The following ABCC5 variants were observed in gnomAD, a reference collection of about 807,000 sequenced individuals.
The protein encoded by ABCC5 is ATP binding cassette subfamily C member 5.
ABCC5 carries 61 observed loss-of-function variants against 160.9 expected under a neutral mutation model. The ratio of observed to expected loss-of-function variants is 0.38; its 90% CI spans 0.31 to 0.47. ABCC5 has a LOEUF of 0.47. Among genes scored for constraint, ABCC5 ranks in the 20% least tolerant of loss-of-function variants. ABCC5 has a pLI of 0.99. For missense variants in ABCC5, 1,308 were observed against 1,813.3 expected (o/e 0.72, Z 5.06); for synonymous variants, 666 against 700.6 (o/e 0.95, Z 0.78).
At position 183,989,342 on chromosome 3, in the gene ABCC5, C is replaced by A; in HGVS notation, c.171G>T (p.Glu57Asp). 6.2e-7 allele frequency: 1 copy of A among 1,614,008 alleles called. No individual in the cohort carries two copies. The highest frequency in any genetic ancestry group is 2.2e-5 in the East Asian group (1 of 44,858). The change falls in exon 3 of 30, where the codon GAG (glutamate) becomes GAT (aspartate). Residue 57 changes from glutamate to aspartate, a missense_variant. Physicochemically the swap from Glu to Asp is conservative, Grantham distance 45. Coordinates refer to ENST00000334444, the MANE Select transcript of ABCC5 (RefSeq NM_005688.4). ...GCATGGAGGCATCAAGAGAGAGGCCCTCGGCTCGGGCTGCTGTTTCCAAGG... is the reference window on the plus strand; with the variant it reads ...GCATGGAGGCATCAAGAGAGAGGCCATCGGCTCGGGCTGCTGTTTCCAAGG... The part of the protein sequence containing the change: ...QDALETAARA[E>D]GLSLDASMHS...
At chr3:183,925,047 T>C (rs1008921920) in intron 29 of ABCC5, among the ~76,000 whole-genome samples, 2 of 152,212 alleles carry the variant, frequency 1.3e-5, no homozygotes, top group African/African-American at 4.8e-5. Flanking sequence ...AGGGCCAGGC[T>C]GTGGGAACGC....
chr3:183,958,818 C>G (rs1156798987), intron 17 of ABCC5, among the ~76,000 whole-genome samples: 2 of 151,938 alleles, frequency 1.3e-5, no homozygotes, highest in Non-Finnish European at 2.9e-5. Flanking sequence ...CAGGCTGGTC[C>G]TGAACTCCTG....
intron 10 of ABCC5, among the ~76,000 whole-genome samples, chr3:183,975,650 CTTG>C (rs1481048978): frequency 1.3e-5 from 2 of 151,852 alleles, no homozygotes; most frequent in East Asian, 3.9e-4. Flanking sequence ...GCCATAAATA[CTTG>C]TTATCTTGTG....
At chr3:183,925,459 G>C in intron 29 of ABCC5, 96 bp downstream of exon 29, 1 of 1,350,058 alleles carries the variant, frequency 7.4e-7, no homozygotes, top group Non-Finnish European at 1.0e-6. Flanking sequence ...TTATCTGAAT[G>C]CCCAGAACCC....
chr3:184,014,252 A>G lies in ABCC5; in HGVS notation c.129+12T>C. 6.2e-7 allele frequency: 1 copy of G among 1,610,488 alleles called. No individual in the cohort carries two copies. Among genetic ancestry groups the G allele is most frequent in the Non-Finnish European group, 8.5e-7 (1 of 1,178,528 alleles). On this transcript the variant is annotated intron_variant, in intron 2 of 29. Transcript: ENST00000334444. ...ACAAGCAGGTAAGAGACTCTTAGGA[A>G]AGGAAACTGACCGGTCGAGTTCTCC...
At chr3:183,931,797 G>T (rs1713207094) in intron 26 of ABCC5, among the ~76,000 whole-genome samples, 1 of 152,204 alleles carries the variant, frequency 6.6e-6, no homozygotes, top group Non-Finnish European at 1.5e-5. Flanking sequence ...ATCAGGAATG[G>T]AAAAATATCT....
chr3:183,984,621 G>C (rs568598841), intron 5 of ABCC5: 1 of 1,410,414 alleles, frequency 7.1e-7, no homozygotes, highest in African/African-American at 1.4e-5. Context: ...TCAAATAGGA[G>C]ACTTCAGATT....
Position 183,977,709 on chromosome 3 carries a change from C to T in ABCC5, c.1297-85G>A. The T allele has an allele frequency of 3.3e-6, 3 of 899,684 alleles. No homozygotes were observed. In the South Asian group the frequency reaches 4.9e-5, roughly 15 times the overall value. 55.7% of individuals were successfully genotyped at this position (899,684 alleles called of 1,614,324 possible). A position where few individuals can be genotyped will look rare whatever the true frequency, so the allele number is the denominator to read the frequency against. On this transcript the variant is annotated intron_variant, in intron 9 of 29. Coordinates refer to ENST00000334444, the MANE Select transcript of ABCC5 (RefSeq NM_005688.4). ...GACACCATGAATTTCCTCTCAGGCG[C>T]TAGGAAGGCTGCAACTTCACGGTCA...
intron 12 of ABCC5, 78 bp downstream of exon 12, chr3:183,967,617 C>A: frequency 7.8e-7 from 1 of 1,287,818 alleles, no homozygotes; most frequent in Non-Finnish European, 1.1e-6. Context: ...CCTGACTCTC[C>A]AGGAAATTTG....
At chr3:183,998,514 G>A (rs898813254) in intron 2 of ABCC5, among the ~76,000 whole-genome samples, 5 of 152,122 alleles carry the variant, frequency 3.3e-5, no homozygotes, top group African/African-American at 1.2e-4. Context: ...ATGGTTTACA[G>A]ATACTAACTA....
intron 29 of ABCC5, among the ~76,000 whole-genome samples, chr3:183,922,419 A>T (rs1712096180): frequency 6.6e-6 from 1 of 152,212 alleles, no homozygotes; most frequent in Admixed American, 6.5e-5. Flanking sequence ...AATAAACTGC[A>T]GGGGAGAGAA....
intron 2 of ABCC5, among the ~76,000 whole-genome samples, chr3:183,999,372 T>A (rs1018305241): frequency 2.0e-5 from 3 of 152,076 alleles, no homozygotes; most frequent in Non-Finnish European, 4.4e-5. Flanking sequence ...AAAATGGCAA[T>A]GAACCAAGAG....
In ABCC5 at chr3:183,945,871, C is replaced by G. The variant is rs1714793587; in HGVS notation, c.3483G>C (p.Glu1161Asp). The change falls in exon 24 of 30, where the codon GAG becomes GAC. Residue 1161 changes from glutamate (E) to aspartate (D), a missense_variant. Physicochemically the swap from Glu to Asp is conservative, Grantham distance 45. This residue lies in a region of ABCC5 where 1,142 missense variants were observed against 1,527.1 expected (regional missense o/e 0.75). Coordinates refer to ENST00000334444, the MANE Select transcript of ABCC5 (RefSeq NM_005688.4). ...SETEARFTSV[E>D]RINHYIKTLS... The stretch of plus-strand genomic sequence containing the variant: ...TGACCTTAATGTAGTGATTGATCCT[C>G]TCCACCGAGGTGAATCGAGCTTCTG... The G allele has an allele frequency of 2.5e-6, 4 of 1,614,040 alleles. No homozygotes were observed. The Admixed American group carries it at 6.7e-5, about 27-fold the overall frequency.
chr3:183,927,420 A>C lies in ABCC5; in HGVS notation c.3957T>G (p.Leu1319=), dbSNP rs947728725. ...KECIAQLPLK[L]ESEVMENGDN... ...CCCCATTCTCCATCACTTCAGATTC[A>C]AGTTTCAGAGGTAGCTGAGCAATCT... The change falls in exon 28 of 30, where the codon CTT becomes CTG. Residue 1319 remains leucine, a synonymous_variant. Transcript: ENST00000334444. The C allele has an allele frequency of 6.2e-7, 1 of 1,613,422 alleles. No individual in the cohort carries two copies. Among genetic ancestry groups the C allele is most frequent in the Middle Eastern group, 1.6e-4 (1 of 6,062 alleles).
chr3:183,970,937 T>C (rs536606291), intron 11 of ABCC5, among the ~76,000 whole-genome samples: 9 of 152,194 alleles, frequency 5.9e-5, no homozygotes, highest in Non-Finnish European at 1.2e-4. Flanking sequence ...GTTGAATGAA[T>C]GAATATATAC....
At chr3:184,013,912 G>C (rs927421684) in intron 2 of ABCC5, among the ~76,000 whole-genome samples, 1 of 152,016 alleles carries the variant, frequency 6.6e-6, no homozygotes, top group Non-Finnish European at 1.5e-5. Context: ...TCGCTCTATC[G>C]CCCAGGCTGG....
intron 2 of ABCC5, among the ~76,000 whole-genome samples, chr3:184,012,018 C>A (rs756224683): frequency 1.4e-4 from 13 of 95,106 alleles, no homozygotes; most frequent in Non-Finnish European, 2.1e-4. Flanking sequence ...GAACACAACA[C>A]ACACACACAC....
At chr3:183,933,231 A>C (rs2108768168) in intron 26 of ABCC5, among the ~76,000 whole-genome samples, 1 of 150,564 alleles carries the variant, frequency 6.6e-6, no homozygotes, top group East Asian at 1.9e-4. Context: ...GAAGAAGAAG[A>C]AATGAGAACA....
rs1015132988 is a variant in ABCC5 at position 183,943,553 on chromosome 3, A to G, written c.3505-637T>C. Reference sequence around the variant, plus strand: ...AATGCTGTGATATAACTGCTTGGGTAATTTTTATCATCAACAATCATATCT... The same window carrying G: ...AATGCTGTGATATAACTGCTTGGGTGATTTTTATCATCAACAATCATATCT... On this transcript the variant is annotated intron_variant, in intron 24 of 29. Transcript: ENST00000334444. Among the ~76,000 whole-genome samples, 3 of 152,194 alleles carry G rather than the reference A, an allele frequency of 2.0e-5. No homozygotes were observed. In the East Asian group the frequency reaches 5.8e-4, roughly 29 times the overall value.
Sources: gnomAD v4.1 joint callset for allele counts (sites outside exome capture counted in the v4.1 genomes callset) on GRCh38, gnomAD v4.1.1 for gene constraint, gnomAD v4.1.1 regional missense constraint, MANE v1.5 for transcripts, NCBI Gene and HGNC (gene_info 2026-07-23, HGNC 2026-07-21) for gene names.